FRMD4B: variants seen among roughly 807,000 people sequenced by gnomAD.
FRMD4B encodes the protein FERM domain containing 4B.
A neutral mutation model predicts 141.5 loss-of-function variants in FRMD4B; 74 were observed. The ratio of observed to expected loss-of-function variants is 0.52; its 90% confidence interval spans 0.43 to 0.63. The LOEUF (loss-of-function observed/expected upper bound fraction) is 0.63. Ranked by LOEUF, FRMD4B falls within the 30% of genes least tolerant of loss-of-function variation. FRMD4B has a pLI of 0.00. For missense variants in FRMD4B, 1,366 were observed against 1,253.4 expected, an observed-to-expected ratio of 1.09 and a Z score of -1.36; for synonymous variants, 506 against 467.9, an observed-to-expected ratio of 1.08 and a Z score of -1.05.
intron 5 of FRMD4B, among the ~76,000 whole-genome samples, chr3:69,281,932 C>T (rs372115228): frequency 1.3e-5 from 2 of 151,378 alleles, no homozygotes; most frequent in East Asian, 1.9e-4. Flanking sequence ...AACTCAGAAA[C>T]GAGGCACAAT....
intron 1 of FRMD4B, among the ~76,000 whole-genome samples, chr3:69,515,266 A>T (rs1210253594): frequency 6.6e-6 from 1 of 152,160 alleles, no homozygotes; most frequent in Non-Finnish European, 1.5e-5. Context: ...ATCCACCCCC[A>T]TGATCCAATC....
At chr3:69,530,233 A>G (rs1238437371) in intron 1 of FRMD4B, among the ~76,000 whole-genome samples, 1 of 152,220 alleles carries the variant, frequency 6.6e-6, no homozygotes, top group Non-Finnish European at 1.5e-5. Context: ...ACCAAATCTT[A>G]TATTGAAATT....
intron 1 of FRMD4B, among the ~76,000 whole-genome samples, chr3:69,527,101 G>A (rs1700941096): frequency 6.6e-6 from 1 of 152,104 alleles, no homozygotes; most frequent in South Asian, 2.1e-4. Context: ...CCTGGGGCAT[G>A]GGTCTCTCTC....
chr3:69,410,731 ATATATATAT>A lies in FRMD4B; in HGVS notation c.-1+21894_-1+21902del, dbSNP rs1559519819. 7.4e-3 allele frequency among the ~76,000 whole-genome samples: 605 copies of A among 81,452 alleles called. 29 individuals carry two copies. In the East Asian group the frequency reaches 0.12, roughly 16 times the overall value. The allele number at this position is 81,452 out of a possible 152,430, so 53.4% of individuals were successfully genotyped here. On this transcript the variant is annotated intron_variant, in intron 2 of 5. Transcript: ENST00000459638. ...TATAAATAAATAAATAAATAAATATATATATATATATATATATATATATATATATATATA... is the reference window on the plus strand; with the variant it reads ...TATAAATAAATAAATAAATAAATATAATATATATATATATATATATATATA...
At chr3:69,287,094 T>C (rs775265263) in intron 5 of FRMD4B, among the ~76,000 whole-genome samples, 1 of 152,264 alleles carries the variant, frequency 6.6e-6, no homozygotes, top group African/African-American at 2.4e-5. Flanking sequence ...TGAGCTGCCA[T>C]GCTCGGCCGT....
At chr3:69,378,806 TA>T (rs960209156) in intron 1 of FRMD4B, among the ~76,000 whole-genome samples, 96 of 143,732 alleles carry the variant, frequency 6.7e-4, no homozygotes, top group African/African-American at 5.1e-4. Context: ...TCATCAAGGT[TA>T]AAAAAAAAAA....
At chr3:69,524,591 G>T (rs1700905016) in intron 1 of FRMD4B, among the ~76,000 whole-genome samples, 1 of 152,184 alleles carries the variant, frequency 6.6e-6, no homozygotes, top group Admixed American at 6.5e-5. Flanking sequence ...ATACAGCTCT[G>T]CTCCACACAA....
At chr3:69,328,169 G>T (rs557891695) in intron 1 of FRMD4B, among the ~76,000 whole-genome samples, 1 of 151,830 alleles carries the variant, frequency 6.6e-6, no homozygotes, top group African/African-American at 2.4e-5. Context: ...CAAGCTGGTT[G>T]TTAGGTACAA....
chr3:69,512,736 T>C (rs776992981), intron 1 of FRMD4B, among the ~76,000 whole-genome samples: 1 of 152,178 alleles, frequency 6.6e-6, no homozygotes, highest in Non-Finnish European at 1.5e-5. Context: ...GGGAAAGTAG[T>C]CTCTAACTGT....
intron 1 of FRMD4B, among the ~76,000 whole-genome samples, chr3:69,436,953 G>C (rs560176891): frequency 3.9e-5 from 6 of 152,156 alleles, no homozygotes; most frequent in Non-Finnish European, 7.4e-5. Flanking sequence ...ACAGAAAGTA[G>C]AGCAGAGTTT....
At chr3:69,266,506 A>T (rs917493381) in intron 5 of FRMD4B, among the ~76,000 whole-genome samples, 3 of 152,070 alleles carry the variant, frequency 2.0e-5, no homozygotes, top group Non-Finnish European at 4.4e-5. Context: ...TTGTATTTTT[A>T]GTAGAGATGG....
chr3:69,338,074 T>G (rs1218223835), intron 1 of FRMD4B, among the ~76,000 whole-genome samples: 1 of 152,150 alleles, frequency 6.6e-6, no homozygotes, highest in African/African-American at 2.4e-5. Flanking sequence ...CCAACAATGA[T>G]AGACTGGATT....
intron 1 of FRMD4B, among the ~76,000 whole-genome samples, chr3:69,342,057 C>T (rs80026672): frequency 6.6e-6 from 1 of 152,112 alleles, no homozygotes; most frequent in Non-Finnish European, 1.5e-5. Flanking sequence ...TGACCTCTCA[C>T]AGGTCTACTA....
chr3:69,239,526 T>C (rs1040254754), intron 7 of FRMD4B, among the ~76,000 whole-genome samples: 2 of 152,156 alleles, frequency 1.3e-5, no homozygotes, highest in African/African-American at 4.8e-5. Context: ...TTTAACTCTC[T>C]TAATAATGGG....
chr3:69,174,956 T>C (rs928445840), intron 22 of FRMD4B, among the ~76,000 whole-genome samples: 9 of 152,238 alleles, frequency 5.9e-5, no homozygotes, highest in Non-Finnish European at 8.8e-5. Flanking sequence ...TCCAAGCTAT[T>C]TGACATCCTC....
chr3:69,206,780 G>T (rs1185036567), intron 11 of FRMD4B, among the ~76,000 whole-genome samples: 1 of 152,090 alleles, frequency 6.6e-6, no homozygotes, highest in Non-Finnish European at 1.5e-5. Context: ...AGGGATTGTG[G>T]CTTTTTCCTT....
chr3:69,307,396 A>C (rs1203873661), intron 3 of FRMD4B, among the ~76,000 whole-genome samples: 2 of 152,056 alleles, frequency 1.3e-5, no homozygotes, highest in Non-Finnish European at 2.9e-5. Context: ...CCCAGGCTGG[A>C]GTGGCACAAT....
intron 5 of FRMD4B, among the ~76,000 whole-genome samples, chr3:69,285,763 G>A (rs759368694): frequency 2.0e-5 from 3 of 151,992 alleles, no homozygotes; most frequent in Non-Finnish European, 4.4e-5. Flanking sequence ...CGAATTGCTT[G>A]AACCTGGCAG....
In FRMD4B at chr3:69,187,872, G is replaced by A; in HGVS notation, c.1817C>T (p.Pro606Leu). 2.5e-6 allele frequency: 4 copies of A among 1,608,220 alleles called. No homozygotes were observed. Among genetic ancestry groups the A allele is most frequent in the Non-Finnish European group, 3.4e-6 (4 of 1,176,548 alleles). ...TFPGQRSSSV[P>L]HSPRILPPKS... Reference sequence around the variant, plus strand: ...GGGGGGAAGAATTCTTGGAGAATGAGGTACTGAACTTGATCGCTGCCCAGG... The same window carrying A: ...GGGGGGAAGAATTCTTGGAGAATGAAGTACTGAACTTGATCGCTGCCCAGG... Residue 606 changes from proline to leucine, a missense_variant, in exon 19 of 23, where the codon CCT (proline) becomes CTT (leucine). By Grantham distance (98) the Pro-to-Leu change is moderately conservative. Transcript: ENST00000398540.
Sources: allele counts gnomAD v4.1 joint callset (sites outside exome capture counted in the v4.1 genomes callset), GRCh38; gene constraint gnomAD v4.1.1; transcripts MANE v1.5; gene names NCBI Gene and HGNC (gene_info 2026-07-23, HGNC 2026-07-21).